The following HYAL4 variants were observed in gnomAD, a reference collection of about 807,000 sequenced individuals.
HYAL4 encodes the protein hyaluronidase 4.
HYAL4 carries 37 observed loss-of-function variants against 35.2 expected under a neutral mutation model. That is an observed-to-expected ratio of 1.05 (90% CI 0.81 to 1.38). HYAL4 has a LOEUF of 1.38. HYAL4 is among the 40% of genes most tolerant of loss of function. The pLI is 0.00. For missense variants in HYAL4, 572 were observed against 572.4 expected (o/e 1.00, Z 0.01); for synonymous variants, 198 against 203.2 (o/e 0.97, Z 0.22).
chr7:123,814,782 A>G, the HYAL4 span: 2 of 152,638 alleles, frequency 1.3e-5, no homozygotes, highest in Non-Finnish European at 2.9e-5. Flanking sequence ...TACAATTATG[A>G]TTACAGAATA....
intron 1 of HYAL4, among the ~76,000 whole-genome samples, chr7:123,846,262 C>G (rs905788702): frequency 1.3e-5 from 2 of 151,748 alleles, no homozygotes; most frequent in Admixed American, 6.6e-5. Context: ...GAAGGACCAT[C>G]AGGGGGGCAG....
the HYAL4 span, among the ~76,000 whole-genome samples, chr7:123,793,053 C>T: frequency 6.6e-6 from 1 of 152,152 alleles, no homozygotes; most frequent in African/African-American, 2.4e-5. Flanking sequence ...CTCTCTTCTA[C>T]AGCTATCCTA....
chr7:123,791,876 A>T, the HYAL4 span, among the ~76,000 whole-genome samples: 1 of 152,210 alleles, frequency 6.6e-6, no homozygotes, highest in Non-Finnish European at 1.5e-5. Context: ...ACCTGTTCCC[A>T]TACAAGGACT....
the HYAL4 span, among the ~76,000 whole-genome samples, chr7:123,788,883 A>G: frequency 1.3e-5 from 2 of 152,226 alleles, no homozygotes; most frequent in Non-Finnish European, 2.9e-5. Context: ...CCAATTTTCA[A>G]GCCTGTTCTT....
Position 123,857,665 on chromosome 7 carries a change from GTTTGTTTCTTTCTTTC to G in HYAL4, c.-52+9511_-52+9526del, listed in dbSNP as rs1395193594. On this transcript the variant is annotated intron_variant, in intron 2 of 4. Coordinates refer to ENST00000223026, the MANE Select transcript of HYAL4 (RefSeq NM_012269.3). ...GCTGCCTTTCTTTGTTTCTTTCTTT[GTTTGTTTCTTTCTTTC>G]TTTCTTTCTTTCTTTCTTTCTTTCT... Among the ~76,000 whole-genome samples the G allele has an allele frequency of 3.6e-4, 34 of 95,592 alleles. 1 individual carries two copies. Among genetic ancestry groups the G allele is most frequent in the South Asian group, 1.1e-3 (3 of 2,650 alleles). 62.7% of individuals were successfully genotyped at this position (95,592 alleles called of 152,430 possible).
At chr7:123,784,867 A>G in the HYAL4 span, among the ~76,000 whole-genome samples, 313 of 152,232 alleles carry the variant, frequency 2.1e-3, 1 homozygote, top group African/African-American at 7.1e-3. Flanking sequence ...GTTACTGTAC[A>G]TATCTTAGAG....
the HYAL4 span, among the ~76,000 whole-genome samples, chr7:123,771,607 T>C: frequency 6.6e-6 from 1 of 152,192 alleles, no homozygotes; most frequent in African/African-American, 2.4e-5. Context: ...AACCTTTTAG[T>C]TGTTATGATA....
chr7:123,777,481 A>C, the HYAL4 span, among the ~76,000 whole-genome samples: 1 of 152,162 alleles, frequency 6.6e-6, no homozygotes, highest in Non-Finnish European at 1.5e-5. Context: ...TGTTAGACAG[A>C]GTTGACTGAT....
chr7:123,821,326 T>C, the HYAL4 span, among the ~76,000 whole-genome samples: 1 of 152,214 alleles, frequency 6.6e-6, no homozygotes, highest in Admixed American at 6.5e-5. Context: ...TGTTATCTTT[T>C]ATTTTTTAAA....
intron 2 of HYAL4, among the ~76,000 whole-genome samples, chr7:123,849,178 A>G (rs2116926062): frequency 6.6e-6 from 1 of 152,258 alleles, no homozygotes; most frequent in East Asian, 1.9e-4. Flanking sequence ...GACTGTATGT[A>G]TGTATATAAA....
chr7:123,845,908 ATTGTTATCTCTC>A (rs1229538794), intron 1 of HYAL4, among the ~76,000 whole-genome samples: 2 of 151,906 alleles, frequency 1.3e-5, no homozygotes, highest in Non-Finnish European at 2.9e-5. Context: ...AGTGGTAGTG[ATTGTTATCTCTC>A]TTCTGTATCT....
chr7:123,876,646 C>A lies in HYAL4; in HGVS notation c.1045-108C>A. On this transcript the variant is annotated intron_variant, in intron 4 of 4. Transcript: ENST00000223026. ...TTTTAATCAAGACCAAAGAACTGTG[C>A]TAGAAGCTCTAATTCTATCAGTACC... 2.6e-6 allele frequency: 3 copies of A among 1,174,118 alleles called. No individual in the cohort carries two copies. In the South Asian group the frequency reaches 4.4e-5, roughly 17 times the overall value. The allele number at this position is 1,174,118 out of a possible 1,614,324, so 72.7% of individuals were successfully genotyped here. A position where few individuals can be genotyped will look rare whatever the true frequency, so the allele number is the denominator to read the frequency against.
At chr7:123,840,643 T>C (rs1193707293), upstream of HYAL4, among the ~76,000 whole-genome samples, 2 of 152,188 alleles carry the variant, frequency 1.3e-5, no homozygotes, top group South Asian at 2.1e-4. Context: ...TCCATTTGTT[T>C]GTGTCCTCTT....
chr7:123,796,054 T>C, the HYAL4 span, among the ~76,000 whole-genome samples: 1 of 152,242 alleles, frequency 6.6e-6, no homozygotes, highest in East Asian at 1.9e-4. Context: ...AGGAATCCAA[T>C]TGTTTGCAAA....
At chr7:123,797,410 A>G in the HYAL4 span, among the ~76,000 whole-genome samples, 1 of 152,224 alleles carries the variant, frequency 6.6e-6, no homozygotes, top group African/African-American at 2.4e-5. Context: ...TAAAACTCCA[A>G]ACTTAATTGC....
In HYAL4 at chr7:123,845,576, A is replaced by C. The variant is rs915444534; in HGVS notation, c.-231A>C. On this transcript the variant is annotated 5_prime_UTR_variant, in exon 1 of 5. Coordinates refer to ENST00000223026, the MANE Select transcript of HYAL4 (RefSeq NM_012269.3). ...TGAGTCATTTTTTTTAAATTTCCTT[A>C]AATTGGACTTCACATTTTTCTGATG... 6.6e-6 allele frequency: 1 copy of C among 151,854 alleles called. No homozygotes were observed. Among genetic ancestry groups the C allele is most frequent in the Admixed American group, 6.6e-5 (1 of 15,220 alleles). The allele number at this position is 151,854 out of a possible 1,614,324, so 9.4% of individuals were successfully genotyped here.
chr7:123,777,148 A>C, the HYAL4 span, among the ~76,000 whole-genome samples: 1 of 152,130 alleles, frequency 6.6e-6, no homozygotes, highest in African/African-American at 2.4e-5. Context: ...ATTTTTATGA[A>C]AGAAATTCTC....
chr7:123,813,203 C>A, the HYAL4 span, among the ~76,000 whole-genome samples: 3 of 152,040 alleles, frequency 2.0e-5, no homozygotes, highest in South Asian at 6.2e-4. Context: ...AGAGAAAAAT[C>A]TGTTTAAAAT....
intron 2 of HYAL4, among the ~76,000 whole-genome samples, chr7:123,860,539 G>A (rs1055400197): frequency 6.6e-6 from 1 of 152,138 alleles, no homozygotes; most frequent in African/African-American, 2.4e-5. Context: ...TTAATATCTG[G>A]TCAATGTCCT....
Sources: allele counts gnomAD v4.1 joint callset (sites outside exome capture counted in the v4.1 genomes callset), GRCh38; gene constraint gnomAD v4.1.1; transcripts MANE v1.5; gene names NCBI Gene and HGNC (gene_info 2026-07-23, HGNC 2026-07-21).